Variants in RBFOX1 observed in about 807,000 individuals in gnomAD.
The protein encoded by RBFOX1 is RNA binding fox-1 homolog 1, also known as RNA binding protein fox-1 homolog 1.
RBFOX1 carries 8 observed loss-of-function variants against 57.7 expected under a neutral mutation model. The observed-to-expected ratio is 0.14, with a 90% CI of 0.08 to 0.25. The LOEUF (loss-of-function observed/expected upper bound fraction) is 0.25, where lower values mean the gene tolerates loss of function less well. Ranked by LOEUF, RBFOX1 falls within the 10% of genes least tolerant of loss-of-function variation. The probability of loss-of-function intolerance (pLI) is 1.00; values close to 1 mark genes in which losing one functional copy is unlikely to be tolerated. For synonymous variants in RBFOX1, 326 were observed against 222.4 expected (o/e 1.47, Z -4.15); for missense variants, 611 against 548.5 (o/e 1.11, Z -1.14).
intron 3 of RBFOX1, among the ~76,000 whole-genome samples, chr16:6,753,117 A>G (rs1025616417): frequency 4.6e-5 from 7 of 152,170 alleles, no homozygotes; most frequent in Admixed American, 4.6e-4. Context: ...AACATCATGT[A>G]TACTGAAACT....
chr16:5,852,818 A>G (rs1425273374), intron 3 of RBFOX1, among the ~76,000 whole-genome samples: 1 of 151,946 alleles, frequency 6.6e-6, no homozygotes, highest in Non-Finnish European at 1.5e-5. Flanking sequence ...TGACAGAGCA[A>G]AACTCCATCT....
intron 3 of RBFOX1, among the ~76,000 whole-genome samples, chr16:6,883,238 A>G (rs966631134): frequency 2.0e-5 from 3 of 152,196 alleles, no homozygotes; most frequent in African/African-American, 4.8e-5. Context: ...GCTTTGCTAC[A>G]CTATGGGTTT....
chr16:6,125,835 A>T (rs1372742368), intron 1 of RBFOX1, among the ~76,000 whole-genome samples: 1 of 152,128 alleles, frequency 6.6e-6, no homozygotes, highest in East Asian at 1.9e-4. Flanking sequence ...GTATTGTGAG[A>T]TGTACAAACC....
chr16:5,859,752 T>C (rs373051577), intron 3 of RBFOX1, among the ~76,000 whole-genome samples: 12 of 152,316 alleles, frequency 7.9e-5, no homozygotes, highest in Admixed American at 3.3e-4. Context: ...GGTATAAAAT[T>C]ATGGAATCAG....
chr16:6,650,603 A>G (rs1396634172), intron 2 of RBFOX1, among the ~76,000 whole-genome samples: 1 of 152,226 alleles, frequency 6.6e-6, no homozygotes, highest in Non-Finnish European at 1.5e-5. Flanking sequence ...CGAAAGAGGT[A>G]TTTAATCATT....
At chr16:7,154,906 T>G (rs1019186902) in intron 4 of RBFOX1, among the ~76,000 whole-genome samples, 1 of 152,210 alleles carries the variant, frequency 6.6e-6, no homozygotes, top group Non-Finnish European at 1.5e-5. Context: ...TTACAGAGTT[T>G]TATAACTTTG....
chr16:6,258,858 C>T (rs373534020), intron 1 of RBFOX1, among the ~76,000 whole-genome samples: 30 of 152,250 alleles, frequency 2.0e-4, no homozygotes, highest in African/African-American at 6.0e-4. Flanking sequence ...TGTATCAAAA[C>T]ATCTCATGTA....
chr16:5,307,597 C>T (rs1197725237), intron 1 of RBFOX1, among the ~76,000 whole-genome samples: 1 of 152,220 alleles, frequency 6.6e-6, no homozygotes, highest in Non-Finnish European at 1.5e-5. Context: ...CATACCTGAT[C>T]TCACACACAC....
rs1285448055 is a variant in RBFOX1, at chr16:5,294,000, G to A, written c.219+53895G>A. Among the ~76,000 whole-genome samples the A allele has an allele frequency of 8.6e-5, 13 of 152,046 alleles. No individual in the cohort carries two copies. The East Asian group carries it at 1.9e-3, about 23-fold the overall frequency. On this transcript the variant is annotated intron_variant, in intron 1 of 2. Transcript: ENST00000585867. The stretch of plus-strand genomic sequence containing the variant: ...TCCCAGCACTTTGGGAGGCCAAGGC[G>A]GGTAGAACACCTGAGGCCAGGAGTT...
intron 2 of RBFOX1, among the ~76,000 whole-genome samples, chr16:6,639,170 G>T (rs754614509): frequency 4.6e-5 from 7 of 152,188 alleles, no homozygotes; most frequent in African/African-American, 7.2e-5. Context: ...AATCATGTGC[G>T]CTAGCTCTGT....
intron 4 of RBFOX1, among the ~76,000 whole-genome samples, chr16:7,188,519 T>G (rs954209089): frequency 6.6e-6 from 1 of 152,178 alleles, no homozygotes; most frequent in Non-Finnish European, 1.5e-5. Flanking sequence ...TTGCTGTGTG[T>G]GTGGGTGTCT....
At chr16:6,444,587 G>A (rs2094448397) in intron 2 of RBFOX1, among the ~76,000 whole-genome samples, 1 of 152,100 alleles carries the variant, frequency 6.6e-6, no homozygotes, top group African/African-American at 2.4e-5. Context: ...CTTCTGCCAT[G>A]ATTGTGAGGC....
intron 3 of RBFOX1, among the ~76,000 whole-genome samples, chr16:6,813,570 C>G (rs1166268175): frequency 2.0e-5 from 3 of 152,186 alleles, no homozygotes; most frequent in African/African-American, 4.8e-5. Context: ...CTAAGTGTCT[C>G]TTTCATCTTC....
chr16:6,818,185 T>A (rs557669446), intron 3 of RBFOX1, among the ~76,000 whole-genome samples: 1 of 152,274 alleles, frequency 6.6e-6, no homozygotes, highest in Admixed American at 6.5e-5. Context: ...GCCACAGGGA[T>A]CCTGCTGTTG....
chr16:6,854,654 G>A (rs1351483721), intron 3 of RBFOX1, among the ~76,000 whole-genome samples: 1 of 141,682 alleles, frequency 7.1e-6, no homozygotes, highest in African/African-American at 2.8e-5. Context: ...GAGTGCAGTG[G>A]CGCTATCTGG....
chr16:5,286,029 C>G (rs1353319921), intron 1 of RBFOX1, among the ~76,000 whole-genome samples: 1 of 152,082 alleles, frequency 6.6e-6, no homozygotes, highest in African/African-American at 2.4e-5. Context: ...ATCGGCCTCC[C>G]AAAGTGCTGG....
intron 11 of RBFOX1, among the ~76,000 whole-genome samples, chr16:7,637,518 G>A (rs1428355106): frequency 1.3e-5 from 2 of 152,144 alleles, no homozygotes; most frequent in South Asian, 2.1e-4. Context: ...TTACTTTTAG[G>A]TAATTGATAG....
intron 4 of RBFOX1, among the ~76,000 whole-genome samples, chr16:7,477,417 G>A (rs2062970179): frequency 6.6e-6 from 1 of 152,134 alleles, no homozygotes; most frequent in African/African-American, 2.4e-5. Flanking sequence ...GGGTCGGGGG[G>A]TGGTTGTGCA....
intron 2 of RBFOX1, among the ~76,000 whole-genome samples, chr16:6,413,055 C>T (rs762938953): frequency 2.6e-5 from 4 of 152,220 alleles, no homozygotes; most frequent in Non-Finnish European, 5.9e-5. Flanking sequence ...TACAGTGCCT[C>T]ATGCCTATAA....
Sources: gnomAD v4.1 joint callset for allele counts (sites outside exome capture counted in the v4.1 genomes callset) on GRCh38, gnomAD v4.1.1 for gene constraint, MANE v1.5 for transcripts, NCBI Gene and HGNC (gene_info 2026-07-23, HGNC 2026-07-21) for gene names.